Variants in TP63 observed in about 807,000 individuals in gnomAD.
TP63 encodes the protein tumor protein p63.
A neutral mutation model predicts 82.8 loss-of-function variants in TP63; 17 were observed. The observed-to-expected ratio is 0.21, with a 90% CI of 0.14 to 0.31. TP63 has a LOEUF of 0.31. Among genes scored for constraint, TP63 ranks in the 10% least tolerant of loss-of-function variants. The pLI is 1.00. For synonymous variants in TP63, 330 were observed against 321.7 expected (o/e 1.03, Z -0.28); for missense variants, 648 against 895.3 (o/e 0.72, Z 3.52).
intron 4 of TP63, among the ~76,000 whole-genome samples, chr3:189,817,094 G>C (rs1200070003): frequency 6.6e-6 from 1 of 151,908 alleles, no homozygotes; most frequent in Admixed American, 6.6e-5. Context: ...AATTGTGTTA[G>C]TACCAACCTT....
At chr3:189,880,945 G>T in intron 10 of TP63, 1 of 985,360 alleles carries the variant, frequency 1.0e-6, no homozygotes, top group Non-Finnish European at 1.2e-6. Flanking sequence ...AAAAACTGTT[G>T]TTTGGCCCCC....
At chr3:189,886,802 AAC>A (rs1179787789) in intron 11 of TP63, among the ~76,000 whole-genome samples, 1 of 152,026 alleles carries the variant, frequency 6.6e-6, no homozygotes, top group African/African-American at 2.4e-5. Flanking sequence ...CTGTGAAAAG[AAC>A]AGTCTACTTG....
At position 189,863,576 on chromosome 3, in the gene TP63, G is replaced by C. The variant is rs376274995; in HGVS notation, c.580-656G>C. On this transcript the variant is annotated intron_variant, in intron 4 of 13. Transcript: ENST00000264731. ...GCCATGATTAGCTGTGCTACATCAGGCCCGGTGTTTTCAGGAGTTTAGGAC... is the reference window on the plus strand; with the variant it reads ...GCCATGATTAGCTGTGCTACATCAGCCCCGGTGTTTTCAGGAGTTTAGGAC... Among the ~76,000 whole-genome samples, 134 of 152,206 alleles carry C rather than the reference G, an allele frequency of 8.8e-4. No homozygotes were observed. The South Asian group carries it at 0.027, about 30-fold the overall frequency.
chr3:189,600,444 TG>T, the TP63 span, among the ~76,000 whole-genome samples: 3 of 152,324 alleles, frequency 2.0e-5, no homozygotes, highest in Admixed American at 2.0e-4. Context: ...ATTATTGCAA[TG>T]GCCTTAAGAG....
chr3:189,859,425 T>G (rs1178908041), intron 4 of TP63, among the ~76,000 whole-genome samples: 4 of 152,142 alleles, frequency 2.6e-5, no homozygotes, highest in Non-Finnish European at 5.9e-5. Flanking sequence ...ATTTTTATTA[T>G]ATATAAATAT....
chr3:189,608,135 T>G, the TP63 span, among the ~76,000 whole-genome samples: 5 of 152,122 alleles, frequency 3.3e-5, no homozygotes, highest in African/African-American at 1.2e-4. Flanking sequence ...CAGTTCCTAA[T>G]TAAAACAGAT....
intron 3 of TP63, among the ~76,000 whole-genome samples, chr3:189,743,352 T>C (rs1353010880): frequency 6.6e-6 from 1 of 152,200 alleles, no homozygotes. Flanking sequence ...TTTTCATTTC[T>C]TATGAGAGTA....
chr3:189,738,893 A>T (rs998932112), intron 3 of TP63, 119 bp downstream of exon 3: 43 of 1,431,224 alleles, frequency 3.0e-5, no homozygotes, highest in Non-Finnish European at 4.0e-5. Context: ...GGCCTTTGGG[A>T]AGAGAGTCTA....
intron 4 of TP63, among the ~76,000 whole-genome samples, chr3:189,832,042 G>T (rs568105014): frequency 1.3e-5 from 2 of 151,906 alleles, no homozygotes; most frequent in Admixed American, 1.3e-4. Flanking sequence ...ATGTTGGTCA[G>T]GCTGGTCTTG....
At chr3:189,660,697 T>G (rs6798902) in intron 1 of TP63, among the ~76,000 whole-genome samples, 1 of 152,068 alleles carries the variant, frequency 6.6e-6, no homozygotes, top group East Asian at 1.9e-4. Flanking sequence ...TCCATGAGCA[T>G]GGAATGTTTT....
intron 1 of TP63, among the ~76,000 whole-genome samples, chr3:189,694,416 G>C (rs1180704507): frequency 1.3e-5 from 2 of 151,938 alleles, no homozygotes; most frequent in African/African-American, 4.8e-5. Context: ...AGAATACCAC[G>C]CTGTATTTAG....
At chr3:189,855,712 G>GTGTA (rs958427874) in intron 4 of TP63, among the ~76,000 whole-genome samples, 1 of 151,672 alleles carries the variant, frequency 6.6e-6, no homozygotes, top group Non-Finnish European at 1.5e-5. Flanking sequence ...GTGTGTGTGT[G>GTGTA]TGTATGTATG....
At chr3:189,685,427 C>A (rs1243570480) in intron 1 of TP63, among the ~76,000 whole-genome samples, 1 of 152,170 alleles carries the variant, frequency 6.6e-6, no homozygotes, top group African/African-American at 2.4e-5. Context: ...TCTTTCACTT[C>A]TCCTGCCTTT....
chr3:189,765,938 G>A (rs1487521584), intron 3 of TP63, among the ~76,000 whole-genome samples: 9 of 152,172 alleles, frequency 5.9e-5, no homozygotes, highest in Admixed American at 5.9e-4. Context: ...AGTCTGTAAT[G>A]GATAAATCTC....
At chr3:189,795,889 G>A (rs930949497) in intron 3 of TP63, among the ~76,000 whole-genome samples, 2 of 152,102 alleles carry the variant, frequency 1.3e-5, no homozygotes, top group African/African-American at 2.4e-5. Context: ...ACCTTTTCCC[G>A]TTCCTTAGAC....
rs192602188 is a variant in TP63, at chr3:189,874,209, A to T, written c.1349+1214A>T. Reference sequence around the variant, plus strand: ...CTCAGCCTCCCGAGTAGCTGGGATTAGAGGCACCTGCCACCATGCCTGGCA... The same window carrying T: ...CTCAGCCTCCCGAGTAGCTGGGATTTGAGGCACCTGCCACCATGCCTGGCA... On this transcript the variant is annotated intron_variant, in intron 10 of 13. Transcript: ENST00000264731. Among the ~76,000 whole-genome samples the T allele has an allele frequency of 2.2e-3, 338 of 152,176 alleles. 3 individuals are homozygous for T. The highest frequency in any genetic ancestry group is 7.8e-3 in the African/African-American group (323 of 41,510).
chr3:189,839,040 T>TAAAAAAAAAAAAAAAAAAAAAAA (rs5855274), intron 4 of TP63, among the ~76,000 whole-genome samples: 1 of 88,588 alleles, frequency 1.1e-5, no homozygotes, highest in South Asian at 4.0e-4. Context: ...TATCCTAAGC[T>TAAAAAAAAAAAAAAAAAAAAAAA]AAAAAAAAAA....
the TP63 span, among the ~76,000 whole-genome samples, chr3:189,598,295 A>G: frequency 6.7e-6 from 1 of 150,360 alleles, no homozygotes; most frequent in African/African-American, 2.4e-5. Context: ...GGAAAGGGAC[A>G]GCAGGAGAGG....
chr3:189,745,708 CAAAAAA>C (rs71298529), intron 3 of TP63, among the ~76,000 whole-genome samples: 3 of 17,790 alleles, frequency 1.7e-4, no homozygotes, highest in Admixed American at 1.1e-3. Flanking sequence ...AACTCCATCT[CAAAAAA>C]AAAAAAAAAA....
Sources: gnomAD v4.1 joint callset for allele counts (sites outside exome capture counted in the v4.1 genomes callset) on GRCh38, gnomAD v4.1.1 for gene constraint, MANE v1.5 for transcripts, NCBI Gene and HGNC (gene_info 2026-07-23, HGNC 2026-07-21) for gene names.